Variants in CLSPN observed in about 807,000 individuals in gnomAD.
CLSPN encodes claspin.
Under a neutral mutation model 156.3 loss-of-function variants are expected in CLSPN, and 85 were observed. The ratio of observed to expected loss-of-function variants is 0.54; its 90% CI spans 0.46 to 0.65. The LOEUF is 0.65. Among genes scored for constraint, CLSPN ranks in the 30% least tolerant of loss-of-function variants. The probability of loss-of-function intolerance (pLI) is 0.00; values close to 1 mark genes in which losing one functional copy is unlikely to be tolerated. For synonymous variants in CLSPN, 534 were observed against 542.4 expected (o/e 0.98, Z 0.22); for missense variants, 1,407 against 1,554.9 (o/e 0.90, Z 1.60).
At chr1:35,721,445 T>C (rs1398285663) in intron 24 of CLSPN, among the ~76,000 whole-genome samples, 1 of 152,194 alleles carries the variant, frequency 6.6e-6, no homozygotes, top group Non-Finnish European at 1.5e-5. Context: ...TGGAGTGCAG[T>C]GGCGCGATCT....
chr1:35,753,245 C>A (rs571678384), intron 9 of CLSPN, among the ~76,000 whole-genome samples: 79 of 152,220 alleles, frequency 5.2e-4, no homozygotes, highest in Non-Finnish European at 2.8e-4. Flanking sequence ...GTGCAGGCCA[C>A]CATGCCTGGA....
chr1:35,738,106 AAAAAAAAATAT>A lies in CLSPN; in HGVS notation c.3559-20_3559-10del. 1 of 627,932 alleles carries A rather than the reference AAAAAAAAATAT, an allele frequency of 1.6e-6. No individual in the cohort carries two copies. Among genetic ancestry groups the A allele is most frequent in the South Asian group, 4.6e-5 (1 of 21,664 alleles). The allele number at this position is 627,932 out of a possible 1,614,324, so 38.9% of individuals were successfully genotyped here. ...ATTTTCCCCTGCTGTGCCTGAAAAA[AAAAAAAAATAT>A]ATATATATATATATATATATATACA... On this transcript the variant is annotated splice_polypyrimidine_tract_variant and intron_variant, in intron 21 of 24. Transcript: ENST00000318121.
chr1:35,742,672 C>A (rs1186936854), intron 18 of CLSPN, among the ~76,000 whole-genome samples: 2 of 152,012 alleles, frequency 1.3e-5, no homozygotes, highest in African/African-American at 4.8e-5. Context: ...AGCCACTGTG[C>A]CTGGCATAAG....
At chr1:35,761,699 C>T (rs1642483019) in intron 6 of CLSPN, among the ~76,000 whole-genome samples, 1 of 151,972 alleles carries the variant, frequency 6.6e-6, no homozygotes, top group African/African-American at 2.4e-5. Flanking sequence ...ACACAGGTAA[C>T]CAAAACTGCA....
intron 17 of CLSPN, 81 bp downstream of exon 17, chr1:35,743,374 C>T (rs1341886412): frequency 7.0e-7 from 1 of 1,420,164 alleles, no homozygotes; most frequent in Non-Finnish European, 9.9e-7. Flanking sequence ...TTAGAATTCT[C>T]AAGAACTGAG....
intron 15 of CLSPN, among the ~76,000 whole-genome samples, chr1:35,745,829 G>T (rs938488703): frequency 6.6e-6 from 1 of 152,158 alleles, no homozygotes; most frequent in Non-Finnish European, 1.5e-5. Flanking sequence ...TTGGGGGCAG[G>T]GAACAGGAAG....
chr1:35,737,856 T>G, intron 22 of CLSPN, 136 bp downstream of exon 22: 1 of 471,788 alleles, frequency 2.1e-6, no homozygotes, highest in Middle Eastern at 3.7e-4. Context: ...CCACCACCTC[T>G]GTGAAGCCTC....
chr1:35,738,241 C>T (rs1364382534), intron 21 of CLSPN, 144 bp from the exon 22 acceptor site: 4 of 652,018 alleles, frequency 6.1e-6, no homozygotes, highest in Non-Finnish European at 9.4e-6. Context: ...GCCTTTGCTG[C>T]TTTAGACAAA....
In CLSPN at chr1:35,738,112, AAATATATAT is replaced by A. The variant is rs775018147; in HGVS notation, c.3559-24_3559-16del. On this transcript the variant is annotated splice_polypyrimidine_tract_variant and intron_variant, in intron 21 of 24. Transcript: ENST00000318121. ...CCCTGCTGTGCCTGAAAAAAAAAAA[AAATATATAT>A]ATATATATATATATATATACAGCAT... 2,609 of 477,900 alleles carry A rather than the reference AAATATATAT, an allele frequency of 5.5e-3. 22 individuals are homozygous for A. The East Asian group carries it at 0.069, about 13-fold the overall frequency. 29.6% of individuals were successfully genotyped at this position (477,900 alleles called of 1,614,324 possible). A position where few individuals can be genotyped will look rare whatever the true frequency, so the allele number is the denominator to read the frequency against.
chr1:35,741,513 G>A (rs1256256709), intron 18 of CLSPN, among the ~76,000 whole-genome samples: 4 of 151,874 alleles, frequency 2.6e-5, no homozygotes, highest in African/African-American at 9.7e-5. Context: ...ACGGGGTCTC[G>A]CCATGTTGGC....
chr1:35,737,413 G>A lies in CLSPN; in HGVS notation c.3673C>T (p.Pro1225Ser), dbSNP rs748461366. The A allele has an allele frequency of 4.3e-5, 70 of 1,613,316 alleles. No individual in the cohort carries two copies. Among genetic ancestry groups the A allele is most frequent in the Non-Finnish European group, 5.6e-5 (66 of 1,179,504 alleles). ...GACTTTGATTCCTGAATAACCATAG[G>A]GCGACTGGCTGGAAAGAAAAGACAG... The part of the protein sequence containing the change: ...AKALQKNASR[P>S]MVIQESKSLL... The change falls in exon 23 of 25, where the codon CCT becomes TCT. Residue 1225 changes from proline to serine, a missense_variant. Around this residue, in one of 3 missense-constraint regions of CLSPN, gnomAD observed 241 missense variants for 240.5 expected, o/e 1.00. Coordinates refer to ENST00000318121, the MANE Select transcript of CLSPN (RefSeq NM_022111.4).
intron 14 of CLSPN, 118 bp downstream of exon 14, chr1:35,747,789 C>T (rs1385569283): frequency 4.1e-6 from 4 of 967,630 alleles, no homozygotes; most frequent in South Asian, 3.3e-5. Flanking sequence ...ATGGTCTGTA[C>T]ACCTTCTCTT....
chr1:35,747,944 C>T lies in CLSPN; in HGVS notation c.2590G>A (p.Glu864Lys). ...AACAGTTGGCTCTGAGTGTCATCTT[C>T]TAAACAGAACTGGAAGTCTCCTGCT... ...LGAGDFQFCLEDDTQSQLLDA... is the reference protein window; with the variant it reads ...LGAGDFQFCLKDDTQSQLLDA... The change falls in exon 14 of 25, where the codon GAA becomes AAA. Residue 864 changes from glutamate (E) to lysine (K), a missense_variant. Glu to Lys is a moderately conservative substitution (Grantham distance 56). Around this residue, in one of 3 missense-constraint regions of CLSPN, gnomAD observed 1,096 missense variants for 1,193.0 expected, o/e 0.92. Transcript: ENST00000318121. 1 of 1,614,144 alleles carries T rather than the reference C, an allele frequency of 6.2e-7. No individual in the cohort carries two copies. Among genetic ancestry groups the T allele is most frequent in the Non-Finnish European group, 8.5e-7 (1 of 1,180,014 alleles).
Position 35,736,403 on chromosome 1 carries a change from G to A in CLSPN, c.*93C>T. On this transcript the variant is annotated 3_prime_UTR_variant, in exon 25 of 25. Coordinates refer to ENST00000318121, the MANE Select transcript of CLSPN (RefSeq NM_022111.4). ...TCTTATTGCATTGATTATGAAAGAAGGAAGGATCATTGGCTGGAGTGTCAA... is the reference window on the plus strand; with the variant it reads ...TCTTATTGCATTGATTATGAAAGAAAGAAGGATCATTGGCTGGAGTGTCAA... The A allele has an allele frequency of 6.8e-7, 1 of 1,467,762 alleles. No homozygotes were observed. Among genetic ancestry groups the A allele is most frequent in the Non-Finnish European group, 9.0e-7 (1 of 1,111,542 alleles). The allele number at this position is 1,467,762 out of a possible 1,614,324, so 90.9% of individuals were successfully genotyped here.
intron 14 of CLSPN, among the ~76,000 whole-genome samples, chr1:35,747,448 G>C (rs1279367756): frequency 6.6e-6 from 1 of 152,188 alleles, no homozygotes; most frequent in Non-Finnish European, 1.5e-5. Context: ...TCAAACTTTA[G>C]GCTTGTGTTA....
intron 15 of CLSPN, 26 bp from the exon 16 acceptor site, chr1:35,745,588 G>T: frequency 6.9e-7 from 1 of 1,458,090 alleles, no homozygotes; most frequent in Non-Finnish European, 9.6e-7. Context: ...GAAAAGATGT[G>T]TCACCAAGGA....
intron 18 of CLSPN, among the ~76,000 whole-genome samples, chr1:35,741,530 G>A (rs950389950): frequency 5.9e-5 from 9 of 152,142 alleles, no homozygotes; most frequent in African/African-American, 2.2e-4. Flanking sequence ...TGGCCAGGCT[G>A]GTCTCGAACT....
At chr1:35,755,266 ATTT>A (rs1247342098) in intron 8 of CLSPN, among the ~76,000 whole-genome samples, 3 of 137,596 alleles carry the variant, frequency 2.2e-5, no homozygotes, top group African/African-American at 5.4e-5. Flanking sequence ...TATCCAGCTA[ATTT>A]TTTTTTTTTT....
chr1:35,749,904 C>A, intron 10 of CLSPN, 93 bp from the exon 11 acceptor site: 1 of 1,356,094 alleles, frequency 7.4e-7, no homozygotes, highest in South Asian at 1.5e-5. Flanking sequence ...TGATTGGTTA[C>A]AGATCACATC....
Sources: allele counts gnomAD v4.1 joint callset (sites outside exome capture counted in the v4.1 genomes callset), GRCh38; gene constraint gnomAD v4.1.1; regional missense constraint gnomAD v4.1.1; transcripts MANE v1.5; gene names NCBI Gene and HGNC (gene_info 2026-07-23, HGNC 2026-07-21).